The following ALOX15 variants were observed in gnomAD, a reference collection of about 807,000 sequenced individuals.
The protein encoded by ALOX15 is arachidonate 15-lipoxygenase.
In ALOX15, 68 loss-of-function variants were observed where a neutral mutation model predicts 71.7. That is an observed-to-expected ratio of 0.95 (90% CI 0.78 to 1.16). The LOEUF (loss-of-function observed/expected upper bound fraction) is 1.16, where lower values mean the gene tolerates loss of function less well. ALOX15 is among the 50% of genes most tolerant of loss of function. ALOX15 has a pLI of 0.00. For synonymous variants in ALOX15, 346 were observed against 333.3 expected (o/e 1.04, Z -0.42); for missense variants, 798 against 818.8 (o/e 0.97, Z 0.31).
chr17:4,639,631 C>T lies in ALOX15; in HGVS notation c.136G>A (p.Glu46Lys). The change falls in exon 2 of 14, where the codon GAG (glutamate) becomes AAG (lysine). Residue 46 changes from glutamate to lysine, a missense_variant and splice_region_variant. Coordinates refer to ENST00000293761, the MANE Select transcript of ALOX15 (RefSeq NM_001140.5). ...GKRLWPARGKETELKVEVPEY... is the reference protein window; with the variant it reads ...GKRLWPARGKKTELKVEVPEY... The stretch of plus-strand genomic sequence containing the variant: ...GGTACTTCCACCTTGAGTTCTGTCT[C>T]CTGCGGGCGACAGAAGAGGCTCAGC... The T allele has an allele frequency of 2.5e-6, 4 of 1,609,338 alleles. No individual in the cohort carries two copies. Among genetic ancestry groups the T allele is most frequent in the African/African-American group, 1.3e-5 (1 of 74,856 alleles).
chr17:4,636,982 C>T (rs2619118), intron 7 of ALOX15, 133 bp downstream of exon 7: 548,427 of 1,088,368 alleles, frequency 0.5, 141,648 homozygotes, highest in South Asian at 0.57. Context: ...AGAGACTTGG[C>T]GCATTTCCTC....
intron 7 of ALOX15, among the ~76,000 whole-genome samples, chr17:4,636,611 T>A (rs541228404): frequency 2.0e-3 from 308 of 152,014 alleles, no homozygotes; most frequent in Non-Finnish European, 2.8e-3. Flanking sequence ...GCATCTCCCC[T>A]CTCCAACCCA....
In ALOX15 at chr17:4,631,463, G is replaced by C; in HGVS notation, c.*137C>G. The C allele has an allele frequency of 2.9e-6, 3 of 1,026,470 alleles. No individual in the cohort carries two copies. The highest frequency in any genetic ancestry group is 4.2e-6 in the Non-Finnish European group (3 of 715,702). The allele number at this position is 1,026,470 out of a possible 1,614,324, so 63.6% of individuals were successfully genotyped here. ...GTAAAATGTGTTCACTGGGTGCAGA[G>C]ACCATGAAAAGGTGCCCCTCTAGGG... On this transcript the variant is annotated 3_prime_UTR_variant, in exon 14 of 14. Coordinates refer to ENST00000293761, the MANE Select transcript of ALOX15 (RefSeq NM_001140.5).
chr17:4,635,970 T>C lies in ALOX15; in HGVS notation c.952-2A>G. On this transcript the variant is annotated splice_acceptor_variant, in intron 7 of 13. Coordinates refer to ENST00000293761, the MANE Select transcript of ALOX15 (RefSeq NM_001140.5). LOFTEE classifies it high-confidence loss of function. ...GGATCCTGTGCGGGGCAGCTGGAGC[T>C]GGAGCAGGGACAAGTGTGGGGAGAG... 1 of 1,613,304 alleles carries C rather than the reference T, an allele frequency of 6.2e-7. No homozygotes were observed. Among genetic ancestry groups the C allele is most frequent in the Non-Finnish European group, 8.5e-7 (1 of 1,179,964 alleles).
At chr17:4,636,649 G>A (rs1463228035) in intron 7 of ALOX15, among the ~76,000 whole-genome samples, 3 of 152,104 alleles carry the variant, frequency 2.0e-5, no homozygotes, top group Admixed American at 6.5e-5. Flanking sequence ...CACACCGCGT[G>A]CCCACAGCAC....
intron 7 of ALOX15, 78 bp from the exon 8 acceptor site, chr17:4,636,046 C>T: frequency 6.9e-7 from 1 of 1,459,502 alleles, no homozygotes; most frequent in Non-Finnish European, 9.5e-7. Context: ...TGCATGTTAA[C>T]CTCACCCTTC....
At chr17:4,632,429 G>A in intron 11 of ALOX15, 148 bp from the exon 12 acceptor site, 1 of 720,614 alleles carries the variant, frequency 1.4e-6, no homozygotes, top group Admixed American at 2.3e-5. Context: ...AGCAGGTTGG[G>A]GTGGGGGAGT....
chr17:4,638,791 C>T, intron 4 of ALOX15, 59 bp downstream of exon 4: 1 of 1,613,286 alleles, frequency 6.2e-7, no homozygotes, highest in Middle Eastern at 1.7e-4. Context: ...GCCCATAAGC[C>T]CCTTGGCTTC....
In ALOX15 at chr17:4,631,875, C is replaced by T. The variant is rs373512986; in HGVS notation, c.1809+14G>A. On this transcript the variant is annotated intron_variant, in intron 13 of 13. Coordinates refer to ENST00000293761, the MANE Select transcript of ALOX15 (RefSeq NM_001140.5). ...CTGCCTCCTTCCTTAGGGCCCTGGG[C>T]ACTCAGCTCTCACCATAACGGGCTG... The T allele has an allele frequency of 5.0e-6, 8 of 1,608,220 alleles. No individual in the cohort carries two copies. In the African/African-American group the frequency reaches 8.0e-5, roughly 16 times the overall value.
chr17:4,635,187 T>C (rs1415537106), intron 8 of ALOX15, among the ~76,000 whole-genome samples: 1 of 151,754 alleles, frequency 6.6e-6, no homozygotes, highest in Non-Finnish European at 1.5e-5. Context: ...TCCCAGCACT[T>C]TGGGAGACCT....
intron 1 of ALOX15, among the ~76,000 whole-genome samples, chr17:4,640,710 G>A (rs1443391512): frequency 1.3e-5 from 2 of 151,076 alleles, no homozygotes; most frequent in Non-Finnish European, 2.9e-5. Context: ...GCAGGGCTCC[G>A]CAGGTTCAAG....
Position 4,639,424 on chromosome 17 carries a change from G to A in ALOX15, c.337+6C>T, listed in dbSNP as rs763320908. ...GGCCTCCTGACACCCTCAGCCCCGC[G>A]CTTACCGGTGCCTTCAGGCAGGCTC... is the stretch of plus-strand genomic sequence containing the variant. On this transcript the variant is annotated splice_donor_region_variant and intron_variant, in intron 2 of 13. Transcript: ENST00000293761. The A allele has an allele frequency of 5.0e-6, 8 of 1,613,194 alleles. No individual in the cohort carries two copies. Among genetic ancestry groups the A allele is most frequent in the South Asian group, 4.4e-5 (4 of 91,060 alleles).
chr17:4,638,489 C>T, intron 5 of ALOX15, 92 bp downstream of exon 5: 1 of 1,321,820 alleles, frequency 7.6e-7, no homozygotes, highest in Non-Finnish European at 1.1e-6. Flanking sequence ...AGTCTCTGGT[C>T]TCCCCACCCT....
Position 4,631,619 on chromosome 17 carries a change from T to G in ALOX15, c.1970A>C (p.Glu657Ala), listed in dbSNP as rs762151538. ...CGACGCTTAGATGGCCACACTGTTTTCCACCACGCTGGGCCGCAGGTACTC... is the reference window on the plus strand; with the variant it reads ...CGACGCTTAGATGGCCACACTGTTTGCCACCACGCTGGGCCGCAGGTACTC... ...PYEYLRPSVV[E>A]NSVAI Residue 657 changes from glutamate to alanine, a missense_variant, in exon 14 of 14, where the codon GAA becomes GCA. Around this residue, in one of 3 missense-constraint regions of ALOX15, gnomAD observed 490 missense variants for 509.4 expected, o/e 0.96. Coordinates refer to ENST00000293761, the MANE Select transcript of ALOX15 (RefSeq NM_001140.5). 1 of 1,613,420 alleles carries G rather than the reference T, an allele frequency of 6.2e-7. No individual in the cohort carries two copies. The highest frequency in any genetic ancestry group is 1.3e-5 in the African/African-American group (1 of 75,032).
At chr17:4,639,322 C>T (rs1168245149) in intron 2 of ALOX15, 108 bp downstream of exon 2, 6 of 1,455,912 alleles carry the variant, frequency 4.1e-6, no homozygotes, top group Non-Finnish European at 5.6e-6. Flanking sequence ...AAGACCCCGG[C>T]GCTCCAGGTT....
At chr17:4,633,956 T>C (rs2856429) in intron 8 of ALOX15, among the ~76,000 whole-genome samples, 151,610 of 152,328 alleles carry the variant, frequency 1, 75,451 homozygotes, top group East Asian at 1. Flanking sequence ...GGTATGTTCT[T>C]ACTTATAAGT....
chr17:4,632,294 AAG>A lies in ALOX15; in HGVS notation c.1541-15_1541-14del. ...GAGACAGGAAACCCTGCAAGGGGTG[AAG>A]AGAGTTAGAAGCTGCGAAGGCAGGA... On this transcript the variant is annotated splice_polypyrimidine_tract_variant and intron_variant, in intron 11 of 13. Coordinates refer to ENST00000293761, the MANE Select transcript of ALOX15 (RefSeq NM_001140.5). 1.2e-6 allele frequency: 2 copies of A among 1,611,488 alleles called. No homozygotes were observed. Among genetic ancestry groups the A allele is most frequent in the Non-Finnish European group, 1.7e-6 (2 of 1,177,660 alleles).
In ALOX15 at chr17:4,639,136, G is replaced by A. The variant is rs775234808; in HGVS notation, c.338-4C>T. On this transcript the variant is annotated splice_region_variant and splice_polypyrimidine_tract_variant and intron_variant, in intron 2 of 13. Coordinates refer to ENST00000293761, the MANE Select transcript of ALOX15 (RefSeq NM_001140.5). ...GGGTCCTCGCCCACAGTGCGGCCTA[G>A]AAGGACAGAGGAGGACTTGGCCAGT... 56 of 1,614,022 alleles carry A rather than the reference G, an allele frequency of 3.5e-5. No homozygotes were observed. The highest frequency in any genetic ancestry group is 4.2e-5 in the Non-Finnish European group (49 of 1,180,036).
rs963146594 is a variant in ALOX15 at position 4,633,569 on chromosome 17, C to G, written c.1162-69G>C. The G allele has an allele frequency of 3.7e-6, 5 of 1,360,688 alleles. No homozygotes were observed. The African/African-American group carries it at 7.2e-5, about 20-fold the overall frequency. The allele number at this position is 1,360,688 out of a possible 1,614,324, so 84.3% of individuals were successfully genotyped here. On this transcript the variant is annotated intron_variant, in intron 8 of 13. Coordinates refer to ENST00000293761, the MANE Select transcript of ALOX15 (RefSeq NM_001140.5). ...GCAAGATCCCTGCAGGAAACAAGGGCTGACAGCAGGAAAGGCACCAGGTCT... is the reference window on the plus strand; with the variant it reads ...GCAAGATCCCTGCAGGAAACAAGGGGTGACAGCAGGAAAGGCACCAGGTCT...
Sources: gnomAD v4.1 joint callset for allele counts (sites outside exome capture counted in the v4.1 genomes callset) on GRCh38, gnomAD v4.1.1 for gene constraint, gnomAD v4.1.1 regional missense constraint, MANE v1.5 for transcripts, NCBI Gene and HGNC (gene_info 2026-07-23, HGNC 2026-07-21) for gene names.